SMAD3: variants seen among roughly 807,000 people sequenced by gnomAD.
SMAD3 encodes MAD homolog 3.
In SMAD3, 12 loss-of-function variants were observed where a neutral mutation model predicts 51.8. The observed-to-expected ratio is 0.23, with a 90% confidence interval of 0.15 to 0.38. The LOEUF is 0.38. Among genes scored for constraint, SMAD3 ranks in the 10% least tolerant of loss-of-function variants. The pLI is 1.00. For missense variants in SMAD3, 294 were observed against 565.6 expected, an observed-to-expected ratio of 0.52 and a Z score of 4.87; for synonymous variants, 238 against 227.7, an observed-to-expected ratio of 1.05 and a Z score of -0.41.
At chr15:67,077,263 A>G (rs910360018) in intron 1 of SMAD3, among the ~76,000 whole-genome samples, 1 of 152,128 alleles carries the variant, frequency 6.6e-6, no homozygotes, top group Non-Finnish European at 1.5e-5. Context: ...GTATGTATTT[A>G]TTTTTGTAGC....
At chr15:67,177,148 T>A (rs556765363) in intron 5 of SMAD3, among the ~76,000 whole-genome samples, 1 of 152,294 alleles carries the variant, frequency 6.6e-6, no homozygotes, top group East Asian at 1.9e-4. Context: ...GAGATTTCTT[T>A]TAAGATTTAA....
chr15:67,091,453 A>G (rs1490123137), intron 1 of SMAD3, among the ~76,000 whole-genome samples: 1 of 152,214 alleles, frequency 6.6e-6, no homozygotes, highest in Non-Finnish European at 1.5e-5. Flanking sequence ...ACTCACCCCC[A>G]GATAACCACC....
chr15:67,108,375 T>C (rs1960928492), intron 1 of SMAD3, among the ~76,000 whole-genome samples: 1 of 152,062 alleles, frequency 6.6e-6, no homozygotes, highest in Non-Finnish European at 1.5e-5. Context: ...CCTGCTTGCC[T>C]CCCCACCCTG....
intron 5 of SMAD3, among the ~76,000 whole-genome samples, chr15:67,171,178 T>A (rs1027267454): frequency 3.3e-5 from 5 of 152,228 alleles, no homozygotes; most frequent in African/African-American, 1.2e-4. Flanking sequence ...GCCACTGAGA[T>A]CATAGTGCAT....
chr15:67,193,687 G>T lies in SMAD3; in HGVS notation c.*3151G>T. 4.3e-6 allele frequency: 1 copy of T among 233,030 alleles called. No homozygotes were observed. The highest frequency in any genetic ancestry group is 8.5e-6 in the Non-Finnish European group (1 of 117,726). The allele number at this position is 233,030 out of a possible 1,614,324, so 14.4% of individuals were successfully genotyped here. On this transcript the variant is annotated 3_prime_UTR_variant, in exon 9 of 9. Transcript: ENST00000327367. Reference sequence around the variant, plus strand: ...CGTCTCCATTGTCCTTATGTTGTCTGTGTTGTATTTTTTTTTTTTTATTGA... The same window carrying T: ...CGTCTCCATTGTCCTTATGTTGTCTTTGTTGTATTTTTTTTTTTTTATTGA...
intron 1 of SMAD3, chr15:67,078,113 G>A (rs1960210016): frequency 6.6e-6 from 1 of 152,278 alleles, no homozygotes; most frequent in Non-Finnish European, 1.5e-5. Flanking sequence ...TGAAGATAGT[G>A]TTTTGTTCAC....
intron 1 of SMAD3, among the ~76,000 whole-genome samples, chr15:67,157,320 G>A (rs1425813929): frequency 6.6e-6 from 1 of 152,246 alleles, no homozygotes; most frequent in Admixed American, 6.5e-5. Context: ...TGTGATTGAT[G>A]AATGGTCACT....
chr15:67,156,208 C>T (rs1962279532), intron 1 of SMAD3, among the ~76,000 whole-genome samples: 1 of 152,060 alleles, frequency 6.6e-6, no homozygotes, highest in Non-Finnish European at 1.5e-5. Flanking sequence ...CCTTTTTGTC[C>T]ATTAAACATA....
intron 1 of SMAD3, among the ~76,000 whole-genome samples, chr15:67,163,991 A>G (rs183150154): frequency 1.2e-3 from 181 of 148,044 alleles, no homozygotes; most frequent in African/African-American, 4.2e-3. Context: ...TCCGTCTTTC[A>G]CTCCCTGCTC....
chr15:67,139,296 G>A (rs773590973), intron 1 of SMAD3, among the ~76,000 whole-genome samples: 5 of 152,200 alleles, frequency 3.3e-5, no homozygotes, highest in Non-Finnish European at 4.4e-5. Context: ...ATCTCGTTGC[G>A]TCAGGTTTTC....
intron 1 of SMAD3, among the ~76,000 whole-genome samples, chr15:67,118,624 A>G (rs1454635197): frequency 6.6e-6 from 1 of 152,258 alleles, no homozygotes; most frequent in Non-Finnish European, 1.5e-5. Flanking sequence ...GTTTTCATCC[A>G]GCATGGGAAC....
chr15:67,078,607 T>TTGG (rs755629755), intron 1 of SMAD3, among the ~76,000 whole-genome samples: 76 of 152,316 alleles, frequency 5.0e-4, no homozygotes, highest in East Asian at 3.9e-4. Flanking sequence ...GAGGGTCAGC[T>TTGG]TGGTGGTGGT....
At chr15:67,083,240 A>G (rs943050565) in intron 1 of SMAD3, among the ~76,000 whole-genome samples, 2 of 152,214 alleles carry the variant, frequency 1.3e-5, no homozygotes, top group Non-Finnish European at 2.9e-5. Context: ...TGTTGGGGAG[A>G]CGGAGGCCCT....
At chr15:67,068,852 C>T (rs934512379) in intron 1 of SMAD3, among the ~76,000 whole-genome samples, 11 of 152,294 alleles carry the variant, frequency 7.2e-5, no homozygotes, top group Non-Finnish European at 1.2e-4. Context: ...ATCAATGTGT[C>T]TGCTAAGCCC....
chr15:67,161,233 A>G (rs530315191), intron 1 of SMAD3, among the ~76,000 whole-genome samples: 5 of 152,220 alleles, frequency 3.3e-5, no homozygotes, highest in African/African-American at 9.7e-5. Context: ...CCAGTCGTCC[A>G]TATATATGTA....
intron 1 of SMAD3, among the ~76,000 whole-genome samples, chr15:67,163,226 G>A (rs147228519): frequency 1.2e-3 from 186 of 152,078 alleles, no homozygotes; most frequent in African/African-American, 4.2e-3. Context: ...CACCCGCCTC[G>A]GCCTCCCAAA....
chr15:67,138,192 T>A, intron 1 of SMAD3: 1 of 982,374 alleles, frequency 1.0e-6, no homozygotes, highest in Non-Finnish European at 1.6e-6. Context: ...TCTGTCAGAG[T>A]TTCTCCGGGC....
Position 67,165,248 on chromosome 15 carries a change from G to A in SMAD3, c.401-5G>A. 1 of 1,614,148 alleles carries A rather than the reference G, an allele frequency of 6.2e-7. No individual in the cohort carries two copies. The highest frequency in any genetic ancestry group is 1.1e-5 in the South Asian group (1 of 91,084). On this transcript the variant is annotated splice_region_variant and splice_polypyrimidine_tract_variant and intron_variant, in intron 2 of 8. Transcript: ENST00000327367. The stretch of plus-strand genomic sequence containing the variant: ...AGCCACCTCTGCTCTGTCTCCCCCG[G>A]ACAGTTCTACCTCCTGTGTTGGTGC...
chr15:67,129,955 TG>T (rs1214269662), intron 1 of SMAD3, among the ~76,000 whole-genome samples: 3 of 152,298 alleles, frequency 2.0e-5, no homozygotes, highest in Admixed American at 6.5e-5. Flanking sequence ...TTAGGTCAGT[TG>T]ATGTCACCTG....
Sources: allele counts gnomAD v4.1 joint callset (sites outside exome capture counted in the v4.1 genomes callset), GRCh38; gene constraint gnomAD v4.1.1; transcripts MANE v1.5; gene names NCBI Gene and HGNC (gene_info 2026-07-23, HGNC 2026-07-21).